Variants in PLCL1 observed in about 807,000 individuals in gnomAD.
PLCL1 encodes the protein phospholipase C like 1 (inactive).
Under a neutral mutation model 84.4 loss-of-function variants are expected in PLCL1, and 41 were observed. The ratio of observed to expected loss-of-function variants is 0.49; its 90% CI spans 0.38 to 0.63. The LOEUF (loss-of-function observed/expected upper bound fraction) is 0.63, where lower values mean the gene tolerates loss of function less well. Ranked by LOEUF, PLCL1 falls within the 30% of genes least tolerant of loss-of-function variation. The pLI is 0.00. For missense variants in PLCL1, 1,206 were observed against 1,367.8 expected (o/e 0.88, Z 1.87); for synonymous variants, 490 against 488.3 (o/e 1.00, Z -0.05).
chr2:198,056,119 G>T (rs1195457128), intron 1 of PLCL1, among the ~76,000 whole-genome samples: 1 of 152,120 alleles, frequency 6.6e-6, no homozygotes, highest in Non-Finnish European at 1.5e-5. Flanking sequence ...AGCATTCAAA[G>T]AAGTGGAGAA....
intron 1 of PLCL1, among the ~76,000 whole-genome samples, chr2:197,929,980 T>G (rs967653693): frequency 6.6e-6 from 1 of 152,184 alleles, no homozygotes; most frequent in Non-Finnish European, 1.5e-5. Flanking sequence ...GATGTCTCAC[T>G]GAGTATCAAA....
intron 1 of PLCL1, among the ~76,000 whole-genome samples, chr2:197,857,832 G>A (rs1687357676): frequency 2.0e-5 from 3 of 152,096 alleles, no homozygotes; most frequent in Admixed American, 2.0e-4. Flanking sequence ...AAGCAAGATG[G>A]CAGCACTCAA....
In PLCL1 at chr2:198,116,395, G is replaced by A. The variant is rs542659332; in HGVS notation, c.3105+12459G>A. Among the ~76,000 whole-genome samples, 15 of 151,766 alleles carry A rather than the reference G, an allele frequency of 9.9e-5. No individual in the cohort carries two copies. The South Asian group carries it at 2.7e-3, about 27-fold the overall frequency. The stretch of plus-strand genomic sequence containing the variant: ...TCTCCATACATTATTGATACTTTTA[G>A]TATTTGTGGTAAGTGAAGATACCTA... On this transcript the variant is annotated intron_variant, in intron 5 of 5. Coordinates refer to ENST00000428675, the MANE Select transcript of PLCL1 (RefSeq NM_006226.4).
At chr2:197,820,033 A>C (rs755517853) in intron 1 of PLCL1, among the ~76,000 whole-genome samples, 36 of 152,124 alleles carry the variant, frequency 2.4e-4, no homozygotes, top group South Asian at 6.2e-4. Flanking sequence ...TCTGGCTGGA[A>C]TGGAGCTGAG....
chr2:197,995,609 G>T, intron 1 of PLCL1, among the ~76,000 whole-genome samples: 1 of 152,212 alleles, frequency 6.6e-6, no homozygotes, highest in African/African-American at 2.4e-5. Context: ...GGAGAGCACA[G>T]CATGGGAAGG....
chr2:198,121,643 C>T (rs1392098098), intron 5 of PLCL1, among the ~76,000 whole-genome samples: 2 of 150,624 alleles, frequency 1.3e-5, no homozygotes, highest in Admixed American at 1.3e-4. Context: ...TCTGGGTTCT[C>T]TATTCTGTTC....
intron 1 of PLCL1, among the ~76,000 whole-genome samples, chr2:197,976,998 G>C (rs79047803): frequency 6.6e-6 from 1 of 152,190 alleles, no homozygotes; most frequent in East Asian, 1.9e-4. Context: ...GGACCGTTTG[G>C]TCTGCCATTT....
intron 1 of PLCL1, among the ~76,000 whole-genome samples, chr2:198,054,081 G>A (rs1164721463): frequency 6.6e-6 from 1 of 152,096 alleles, no homozygotes; most frequent in Non-Finnish European, 1.5e-5. Context: ...AGGCAAAGAA[G>A]GTCATTACAT....
intron 1 of PLCL1, among the ~76,000 whole-genome samples, chr2:197,883,617 A>G (rs1687868895): frequency 6.6e-6 from 1 of 152,200 alleles, no homozygotes; most frequent in Admixed American, 6.6e-5. Flanking sequence ...TTCAGAATGA[A>G]GTTCAGCATA....
rs372135726 is a variant in PLCL1, at chr2:198,053,909, G to A, written c.241-29849G>A. On this transcript the variant is annotated intron_variant, in intron 1 of 5. Transcript: ENST00000428675. Reference sequence around the variant, plus strand: ...GCATGTCAAAGAAGATAAACTTCATGATTTCACTGCCTTTCCCACTTCAGT... The same window carrying A: ...GCATGTCAAAGAAGATAAACTTCATAATTTCACTGCCTTTCCCACTTCAGT... 2.3e-4 allele frequency among the ~76,000 whole-genome samples: 35 copies of A among 152,302 alleles called. 1 individual carries two copies. Among genetic ancestry groups the A allele is most frequent in the African/African-American group, 7.9e-4 (33 of 41,582 alleles).
At chr2:197,935,028 A>G (rs1271562892) in intron 1 of PLCL1, among the ~76,000 whole-genome samples, 1 of 152,234 alleles carries the variant, frequency 6.6e-6, no homozygotes, top group Non-Finnish European at 1.5e-5. Flanking sequence ...TAGCATATGA[A>G]AAAATGCTCA....
intron 1 of PLCL1, among the ~76,000 whole-genome samples, chr2:197,856,957 G>A (rs1025625780): frequency 6.6e-6 from 1 of 151,782 alleles, no homozygotes; most frequent in Non-Finnish European, 1.5e-5. Context: ...TAGAATTCCT[G>A]TACTTTAAAA....
intron 5 of PLCL1, among the ~76,000 whole-genome samples, chr2:198,111,665 C>A (rs1446405584): frequency 4.0e-5 from 6 of 151,756 alleles, no homozygotes; most frequent in Admixed American, 3.9e-4. Context: ...TCTTATTATA[C>A]CCATTTTACA....
intron 3 of PLCL1, among the ~76,000 whole-genome samples, chr2:198,093,923 C>A (rs1407836092): frequency 6.6e-6 from 1 of 151,588 alleles, no homozygotes; most frequent in African/African-American, 2.4e-5. Context: ...GATTTTTTCC[C>A]CTAAATTTAG....
intron 1 of PLCL1, among the ~76,000 whole-genome samples, chr2:198,042,020 T>A (rs1691678399): frequency 6.6e-6 from 1 of 152,230 alleles, no homozygotes; most frequent in East Asian, 1.9e-4. Context: ...TTCATGATGA[T>A]TCTATCCTCC....
chr2:197,834,569 T>G (rs1691141528), intron 1 of PLCL1, among the ~76,000 whole-genome samples: 1 of 152,216 alleles, frequency 6.6e-6, no homozygotes, highest in South Asian at 2.1e-4. Flanking sequence ...CACTGGTCAT[T>G]AAAGAATTGC....
chr2:198,093,174 T>C (rs895684223), intron 3 of PLCL1, among the ~76,000 whole-genome samples: 2 of 152,166 alleles, frequency 1.3e-5, no homozygotes, highest in Admixed American at 1.3e-4. Flanking sequence ...CAAAGGATTT[T>C]TAAGGCAGTG....
chr2:197,822,466 C>T (rs887971840), intron 1 of PLCL1, among the ~76,000 whole-genome samples: 11 of 152,160 alleles, frequency 7.2e-5, no homozygotes, highest in East Asian at 1.9e-4. Context: ...AAGGGAGTTA[C>T]GTGGGTGTCT....
At chr2:197,852,040 A>G (rs1441865447) in intron 1 of PLCL1, among the ~76,000 whole-genome samples, 2 of 152,218 alleles carry the variant, frequency 1.3e-5, no homozygotes, top group Non-Finnish European at 2.9e-5. Context: ...TGATTTTGCT[A>G]TGTATTTTAA....
Sources: gnomAD v4.1 joint callset for allele counts (sites outside exome capture counted in the v4.1 genomes callset) on GRCh38, gnomAD v4.1.1 for gene constraint, MANE v1.5 for transcripts, NCBI Gene and HGNC (gene_info 2026-07-23, HGNC 2026-07-21) for gene names.